The following DNM3 variants were observed in gnomAD, a reference collection of about 807,000 sequenced individuals.
The protein encoded by DNM3 is dynamin-3.
In DNM3, 47 loss-of-function variants were observed where a neutral mutation model predicts 101.6. That is an observed-to-expected ratio of 0.46 (90% confidence interval 0.37 to 0.59). The LOEUF is 0.59. Ranked by LOEUF, DNM3 falls within the 20% of genes least tolerant of loss-of-function variation. The pLI is 0.00. For synonymous variants in DNM3, 385 were observed against 387.9 expected (o/e 0.99, Z 0.09); for missense variants, 849 against 1,085.7 (o/e 0.78, Z 3.06).
intron 1 of DNM3, among the ~76,000 whole-genome samples, chr1:171,870,387 T>C (rs917508297): frequency 6.6e-6 from 1 of 152,008 alleles, no homozygotes; most frequent in African/African-American, 2.4e-5. Flanking sequence ...CAGGAGTCTT[T>C]TAATCAGTTA....
chr1:171,885,074 T>A (rs1411645231), intron 1 of DNM3, among the ~76,000 whole-genome samples: 1 of 152,140 alleles, frequency 6.6e-6, no homozygotes, highest in Non-Finnish European at 1.5e-5. Context: ...TCTAGTCCGT[T>A]TAGCATCCCC....
chr1:172,076,022 T>A (rs575984676), intron 11 of DNM3, among the ~76,000 whole-genome samples: 1 of 152,312 alleles, frequency 6.6e-6, no homozygotes, highest in Admixed American at 6.5e-5. Context: ...TTTGAAGAGG[T>A]CCTTCACATC....
intron 18 of DNM3, among the ~76,000 whole-genome samples, chr1:172,382,782 C>G (rs796522490): frequency 2.7e-4 from 41 of 152,020 alleles, no homozygotes; most frequent in Admixed American, 8.5e-4. Flanking sequence ...TTAAGCAAAC[C>G]CAGATAATAC....
At chr1:172,298,273 C>T (rs1480962184) in intron 15 of DNM3, among the ~76,000 whole-genome samples, 1 of 152,048 alleles carries the variant, frequency 6.6e-6, no homozygotes, top group African/African-American at 2.4e-5. Context: ...TTTAGGTATC[C>T]TTTCATTTTC....
chr1:171,867,337 A>G (rs188253007), intron 1 of DNM3, among the ~76,000 whole-genome samples: 136 of 152,250 alleles, frequency 8.9e-4, no homozygotes, highest in African/African-American at 3.1e-3. Context: ...TGCCTCTGTG[A>G]TTGCTTTATT....
intron 2 of DNM3, among the ~76,000 whole-genome samples, chr1:171,927,512 T>C (rs567117404): frequency 6.6e-6 from 1 of 152,342 alleles, no homozygotes; most frequent in African/African-American, 2.4e-5. Flanking sequence ...GGTTTTCTGT[T>C]CCTGCGTTAG....
At chr1:172,288,219 T>C (rs779861425) in intron 15 of DNM3, among the ~76,000 whole-genome samples, 6 of 152,188 alleles carry the variant, frequency 3.9e-5, no homozygotes, top group Non-Finnish European at 8.8e-5. Context: ...GAATTTATAA[T>C]ACAGTGACCT....
intron 17 of DNM3, chr1:172,366,531 C>A (rs1034487035): frequency 2.6e-5 from 4 of 151,930 alleles, no homozygotes; most frequent in Admixed American, 2.6e-4. Flanking sequence ...GTTAGAAAAT[C>A]ATTCATGGGT....
intron 2 of DNM3, among the ~76,000 whole-genome samples, chr1:171,968,812 A>G (rs2043782929): frequency 6.6e-6 from 1 of 152,104 alleles, no homozygotes; most frequent in Non-Finnish European, 1.5e-5. Context: ...AAATTTAAAT[A>G]TTGTTTTTAA....
At chr1:172,020,702 C>T (rs1400904005) in intron 4 of DNM3, among the ~76,000 whole-genome samples, 3 of 115,106 alleles carry the variant, frequency 2.6e-5, no homozygotes, top group Admixed American at 1.2e-4. Flanking sequence ...CCAGCCTGGG[C>T]GACAGTGTGA....
At chr1:171,903,718 C>T (rs2038573378) in intron 1 of DNM3, among the ~76,000 whole-genome samples, 1 of 152,104 alleles carries the variant, frequency 6.6e-6, no homozygotes, top group South Asian at 2.1e-4. Flanking sequence ...TTTAATTGAA[C>T]TTTGAACTTG....
chr1:171,848,877 T>C (rs1335445979), intron 1 of DNM3, among the ~76,000 whole-genome samples: 1 of 152,252 alleles, frequency 6.6e-6, no homozygotes, highest in Admixed American at 6.5e-5. Flanking sequence ...CGGAATTATA[T>C]GAATGATACA....
At chr1:172,033,296 A>G (rs1162989771) in intron 6 of DNM3, 31 bp downstream of exon 6, 1 of 1,550,810 alleles carries the variant, frequency 6.4e-7, no homozygotes, top group South Asian at 1.2e-5. Context: ...AACAAGAACA[A>G]TTATGAAATA....
At chr1:172,001,475 G>A (rs762614642) in intron 4 of DNM3, among the ~76,000 whole-genome samples, 9 of 151,890 alleles carry the variant, frequency 5.9e-5, no homozygotes, top group Non-Finnish European at 1.0e-4. Context: ...CTATAACTGT[G>A]CCTTTTATCT....
intron 2 of DNM3, among the ~76,000 whole-genome samples, chr1:171,925,295 T>C (rs1403212537): frequency 6.6e-6 from 1 of 151,846 alleles, no homozygotes; most frequent in Non-Finnish European, 1.5e-5. Flanking sequence ...TGGTGCGATC[T>C]CAGCTCACTG....
At chr1:172,112,979 C>A (rs1232489854) in intron 13 of DNM3, among the ~76,000 whole-genome samples, 6 of 152,096 alleles carry the variant, frequency 3.9e-5, no homozygotes. Flanking sequence ...TTAACTTAAC[C>A]AGTAGTTCTC....
Position 171,874,684 on chromosome 1 carries a change from CA to C in DNM3, c.161+32868del, listed in dbSNP as rs534365431. On this transcript the variant is annotated intron_variant, in intron 1 of 20. Transcript: ENST00000627582. ...CATAATGTCAACTTTTATTTTAGAT[CA>C]GGGGGCATATATGCACGTTTGTTAC... is the stretch of plus-strand genomic sequence containing the variant. Among the ~76,000 whole-genome samples, 488 of 152,110 alleles carry C rather than the reference CA, an allele frequency of 3.2e-3. 3 individuals carry two copies. The highest frequency in any genetic ancestry group is 8.2e-3 in the African/African-American group (342 of 41,498).
chr1:172,012,795 C>G (rs749569200), intron 4 of DNM3, among the ~76,000 whole-genome samples: 2 of 151,902 alleles, frequency 1.3e-5, no homozygotes, highest in Non-Finnish European at 2.9e-5. Flanking sequence ...TTTTACCTAG[C>G]ATCATATACA....
chr1:172,301,505 C>T (rs187438405), intron 15 of DNM3, among the ~76,000 whole-genome samples: 15 of 152,028 alleles, frequency 9.9e-5, no homozygotes, highest in Admixed American at 8.5e-4. Flanking sequence ...CTGTCTCTAA[C>T]AAAAAACAAA....
Sources: allele counts gnomAD v4.1 joint callset (sites outside exome capture counted in the v4.1 genomes callset), GRCh38; gene constraint gnomAD v4.1.1; transcripts MANE v1.5; gene names NCBI Gene and HGNC (gene_info 2026-07-23, HGNC 2026-07-21).